Variants in SENP5 observed in about 807,000 individuals in gnomAD.
SENP5 encodes sentrin-specific protease 5.
SENP5 carries 21 observed loss-of-function variants against 74.2 expected under a neutral mutation model. The observed-to-expected ratio is 0.28, with a 90% CI of 0.20 to 0.41. SENP5 has a LOEUF of 0.41. SENP5 is among the 10% of genes least tolerant of loss of function. The pLI is 1.00. For synonymous variants in SENP5, 311 were observed against 312.7 expected, an observed-to-expected ratio of 0.99 and a Z score of 0.06; for missense variants, 717 against 889.1, an observed-to-expected ratio of 0.81 and a Z score of 2.46.
intron 1 of SENP5, among the ~76,000 whole-genome samples, chr3:196,880,692 A>T (rs1577796591): frequency 8.1e-6 from 1 of 122,914 alleles, no homozygotes; most frequent in African/African-American, 3.2e-5. Context: ...CCCAGGCTGG[A>T]GTGCAATGGC....
intron 6 of SENP5, among the ~76,000 whole-genome samples, chr3:196,916,735 C>T (rs1018100413): frequency 6.6e-6 from 1 of 152,024 alleles, no homozygotes; most frequent in African/African-American, 2.4e-5. Context: ...CCATGATGGT[C>T]GGACTGGTCT....
rs375558654 is a variant in SENP5, at chr3:196,882,543, G to A, written c.-31-2608G>A. On this transcript the variant is annotated intron_variant, in intron 1 of 9. Transcript: ENST00000323460. The stretch of plus-strand genomic sequence containing the variant: ...TTTTGAGACAGAGTCTTGCTCTGTC[G>A]CCCAGGCTAGACTGCAGTGGTGCGA... 8.6e-5 allele frequency among the ~76,000 whole-genome samples: 13 copies of A among 151,800 alleles called. No homozygotes were observed. In the East Asian group the frequency reaches 9.7e-4, roughly 11 times the overall value.
chr3:196,906,806 G>A (rs1023189756), intron 6 of SENP5, among the ~76,000 whole-genome samples: 4 of 152,164 alleles, frequency 2.6e-5, no homozygotes, highest in African/African-American at 9.7e-5. Flanking sequence ...ATGGTTTTTA[G>A]TGACATTATC....
At position 196,933,035 on chromosome 3, in the gene SENP5, T is replaced by TTTTTTTA. The variant is rs1716104141; in HGVS notation, c.*2112_*2113insTTTTTTA. 1 of 147,764 alleles carries TTTTTTTA rather than the reference T, an allele frequency of 6.8e-6. No individual in the cohort carries two copies. The highest frequency in any genetic ancestry group is 2.5e-5 in the African/African-American group (1 of 39,832). The allele number at this position is 147,764 out of a possible 1,614,324, so 9.2% of individuals were successfully genotyped here. ...TGGGTTTTTTGTTTTTTTTTTTTTT[T>TTTTTTTA]GAGTCAGAGTCTCACTGTCCCTCAG... On this transcript the variant is annotated 3_prime_UTR_variant, in exon 10 of 10. Coordinates refer to ENST00000323460, the MANE Select transcript of SENP5 (RefSeq NM_152699.5).
At chr3:196,899,553 A>C in intron 2 of SENP5, 113 bp from the exon 3 acceptor site, 1 of 626,280 alleles carries the variant, frequency 1.6e-6, no homozygotes, top group Non-Finnish European at 2.9e-6. Context: ...ATAGTAATAT[A>C]GGTTAACCAC....
chr3:196,926,140 G>A (rs534557277), intron 7 of SENP5, among the ~76,000 whole-genome samples: 8 of 152,254 alleles, frequency 5.3e-5, no homozygotes, highest in Admixed American at 2.6e-4. Flanking sequence ...TTTGAGTGCC[G>A]GTGACCATTT....
At chr3:196,913,528 C>T (rs1225657360) in intron 6 of SENP5, among the ~76,000 whole-genome samples, 1 of 146,920 alleles carries the variant, frequency 6.8e-6, no homozygotes, top group African/African-American at 2.5e-5. Flanking sequence ...GAGATCATGC[C>T]ACTGCACTCC....
At chr3:196,923,351 T>C in intron 6 of SENP5, 63 bp from the exon 7 acceptor site, 1 of 1,535,350 alleles carries the variant, frequency 6.5e-7, no homozygotes, top group Non-Finnish European at 8.7e-7. Flanking sequence ...TGGAAGCTGC[T>C]GGTTTTTGGT....
chr3:196,905,989 G>A (rs531000037), intron 6 of SENP5, among the ~76,000 whole-genome samples: 1 of 152,288 alleles, frequency 6.6e-6, no homozygotes, highest in Admixed American at 6.5e-5. Flanking sequence ...GAAGTCTGAG[G>A]CAGGCAGATC....
rs935986221 is a variant in SENP5 at position 196,931,792 on chromosome 3, A to C, written c.*869A>C. 9.0e-6 allele frequency: 3 copies of C among 332,934 alleles called. No individual in the cohort carries two copies. Among genetic ancestry groups the C allele is most frequent in the South Asian group, 6.8e-5 (3 of 44,120 alleles). 20.6% of individuals were successfully genotyped at this position (332,934 alleles called of 1,614,324 possible). A position where few individuals can be genotyped will look rare whatever the true frequency, so the allele number is the denominator to read the frequency against. On this transcript the variant is annotated 3_prime_UTR_variant, in exon 10 of 10. Coordinates refer to ENST00000323460, the MANE Select transcript of SENP5 (RefSeq NM_152699.5). Reference sequence around the variant, plus strand: ...TTCTCAGAGTAATTTTTAAGTTGTCATTTCCCTGTGTTGCCTCCCAATTGG... The same window carrying C: ...TTCTCAGAGTAATTTTTAAGTTGTCCTTTCCCTGTGTTGCCTCCCAATTGG...
At position 196,923,481 on chromosome 3, in the gene SENP5, C is replaced by T; in HGVS notation, c.1952C>T (p.Thr651Ile). 1 of 1,611,076 alleles carries T rather than the reference C, an allele frequency of 6.2e-7. No individual in the cohort carries two copies. The highest frequency in any genetic ancestry group is 8.5e-7 in the Non-Finnish European group (1 of 1,177,458). ...CTGGAAGTCCACTGGTCTCTCATTA[C>T]TGTGACACTCTCTAATCGAATTATT... ...IHLEVHWSLITVTLSNRIISF... is the reference protein window; with the variant it reads ...IHLEVHWSLIIVTLSNRIISF... The change falls in exon 7 of 10, where the codon ACT becomes ATT. Residue 651 changes from threonine (T) to isoleucine (I), a missense_variant. Transcript: ENST00000323460.
At chr3:196,913,570 A>G (rs1715224187) in intron 6 of SENP5, among the ~76,000 whole-genome samples, 1 of 149,440 alleles carries the variant, frequency 6.7e-6, no homozygotes. Flanking sequence ...CTCCATCTCA[A>G]AAAAAAAAAA....
rs752913916 is a variant in SENP5 at position 196,885,558 on chromosome 3, C to A, written c.377C>A (p.Ser126Tyr). 8 of 1,614,034 alleles carry A rather than the reference C, an allele frequency of 5.0e-6. 1 individual carries two copies. In the South Asian group the frequency reaches 8.8e-5, roughly 18 times the overall value. The stretch of plus-strand genomic sequence containing the variant: ...AAGCTGTTGTCATCAGCAAAGAATT[C>A]TGACCATGAATACTGCAGAGAGAAA... Reference protein sequence around the residue: ...AEKLLSSAKNSDHEYCREKNL... With the variant: ...AEKLLSSAKNYDHEYCREKNL... The change falls in exon 2 of 10, where the codon TCT (serine) becomes TAT (tyrosine). Residue 126 changes from serine to tyrosine, a missense_variant. Transcript: ENST00000323460.
intron 5 of SENP5, among the ~76,000 whole-genome samples, chr3:196,903,106 A>G (rs753503769): frequency 6.6e-6 from 1 of 152,154 alleles, no homozygotes; most frequent in Non-Finnish European, 1.5e-5. Flanking sequence ...TCTGTAAACC[A>G]TGTAATGTAT....
At chr3:196,919,939 G>A (rs1715542076) in intron 6 of SENP5, among the ~76,000 whole-genome samples, 2 of 152,012 alleles carry the variant, frequency 1.3e-5, no homozygotes, top group Admixed American at 1.3e-4. Flanking sequence ...TTACAATGAT[G>A]CCTATTTTTT....
intron 4 of SENP5, 117 bp downstream of exon 4, chr3:196,900,179 C>G: frequency 7.4e-7 from 1 of 1,346,858 alleles, no homozygotes. Context: ...TCATTCTTTA[C>G]TGGTTACTTG....
rs1560156887 is a variant in SENP5 at position 196,914,583 on chromosome 3, A to AT, written c.1885-8831_1885-8830insT. 3.3e-3 allele frequency: 314 copies of AT among 94,232 alleles called. 1 individual carries two copies. The highest frequency in any genetic ancestry group is 0.011 in the African/African-American group (237 of 20,716). 5.8% of individuals were successfully genotyped at this position (94,232 alleles called of 1,614,324 possible). ...TTGCTTTAAAAAAAAAAAAAAAAAA[A>AT]AAAATATATATATATATATATATAT... is the stretch of plus-strand genomic sequence containing the variant. On this transcript the variant is annotated intron_variant, in intron 6 of 9. Transcript: ENST00000323460.
chr3:196,922,476 G>A (rs1400268947), intron 6 of SENP5, among the ~76,000 whole-genome samples: 2 of 143,532 alleles, frequency 1.4e-5, no homozygotes, highest in Admixed American at 7.1e-5. Context: ...CAGTTTCAGG[G>A]TCTCACTCCG....
At chr3:196,878,358 A>G (rs930445855) in intron 1 of SENP5, among the ~76,000 whole-genome samples, 14 of 152,144 alleles carry the variant, frequency 9.2e-5, no homozygotes, top group African/African-American at 2.9e-4. Flanking sequence ...GAGACTTACT[A>G]TCTGGAGTAG....
Sources: gnomAD v4.1 joint callset for allele counts (sites outside exome capture counted in the v4.1 genomes callset) on GRCh38, gnomAD v4.1.1 for gene constraint, MANE v1.5 for transcripts, NCBI Gene and HGNC (gene_info 2026-07-23, HGNC 2026-07-21) for gene names.